Variants in ENTPD3 observed in about 807,000 individuals in gnomAD.
ENTPD3 encodes ectonucleoside triphosphate diphosphohydrolase 3, also known as CD39 antigen-like 3.
Under a neutral mutation model 51.2 loss-of-function variants are expected in ENTPD3, and 60 were observed. The observed-to-expected ratio is 1.17, with a 90% confidence interval of 0.95 to 1.45. The LOEUF (loss-of-function observed/expected upper bound fraction) is 1.45. ENTPD3 is among the 40% of genes most tolerant of loss of function. The pLI, the probability that ENTPD3 is intolerant of heterozygous loss-of-function variation, is 0.00. For synonymous variants in ENTPD3, 221 were observed against 238.4 expected, an observed-to-expected ratio of 0.93 and a Z score of 0.67; for missense variants, 593 against 641.1, an observed-to-expected ratio of 0.93 and a Z score of 0.81.
chr3:40,417,566 A>T (rs1197627346), intron 7 of ENTPD3, among the ~76,000 whole-genome samples: 2 of 152,100 alleles, frequency 1.3e-5, no homozygotes, highest in Non-Finnish European at 2.9e-5. Flanking sequence ...CACTGGGATT[A>T]CAATTTTACA....
chr3:40,426,090 C>A (rs1277332331), intron 10 of ENTPD3, among the ~76,000 whole-genome samples: 1 of 143,104 alleles, frequency 7.0e-6, no homozygotes, highest in African/African-American at 2.5e-5. Flanking sequence ...ACAGAGATAT[C>A]TTTTTCTTTT....
At chr3:40,414,562 A>C in intron 5 of ENTPD3, 119 bp from the exon 6 acceptor site, 3 of 1,133,302 alleles carry the variant, frequency 2.6e-6, no homozygotes, top group Non-Finnish European at 3.8e-6. Flanking sequence ...CATCTGGAAA[A>C]TCATTCATCC....
Position 40,423,301 on chromosome 3 carries a change from G to A in ENTPD3, c.1115G>A (p.Gly372Glu). 2.5e-6 allele frequency: 4 copies of A among 1,613,384 alleles called. No individual in the cohort carries two copies. In the South Asian group the frequency reaches 3.3e-5, roughly 13 times the overall value. ...KIKGPFVAFA[G>E]FYYTASALNL... ...ATTACTTATTTCCAGGCTTTTGCAG[G>A]ATTCTACTACACAGCCAGTGCTTTA... The change falls in exon 9 of 11, where the codon GGA (glycine) becomes GAA (glutamate). Residue 372 changes from glycine to glutamate, a missense_variant. Physicochemically the swap from Gly to Glu is moderately conservative, Grantham distance 98. Transcript: ENST00000301825.
chr3:40,427,553 C>G lies in ENTPD3; in HGVS notation c.*45C>G, dbSNP rs201566498. 102 of 1,479,432 alleles carry G rather than the reference C, an allele frequency of 6.9e-5. 1 individual carries two copies. In the South Asian group the frequency reaches 1.1e-3, roughly 16 times the overall value. 91.6% of individuals were successfully genotyped at this position (1,479,432 alleles called of 1,614,324 possible). A position where few individuals can be genotyped will look rare whatever the true frequency, so the allele number is the denominator to read the frequency against. ...GAGTCCAATGGCTGCTTAGAGTCAG[C>G]CTGGGTGGCACCAGGCAATGCAGGT... On this transcript the variant is annotated 3_prime_UTR_variant, in exon 11 of 11. Transcript: ENST00000301825.
intron 6 of ENTPD3, among the ~76,000 whole-genome samples, chr3:40,415,623 T>A (rs1955727554): frequency 6.6e-6 from 1 of 152,178 alleles, no homozygotes; most frequent in African/African-American, 2.4e-5. Flanking sequence ...ATTATACACC[T>A]AATCTACTTC....
intron 4 of ENTPD3, among the ~76,000 whole-genome samples, chr3:40,401,696 A>G (rs546269391): frequency 6.6e-6 from 1 of 152,374 alleles, no homozygotes; most frequent in African/African-American, 2.4e-5. Flanking sequence ...TTTGAATTTC[A>G]TATAATTCTC....
intron 7 of ENTPD3, among the ~76,000 whole-genome samples, chr3:40,421,299 C>T (rs915500837): frequency 1.3e-5 from 2 of 152,104 alleles, no homozygotes; most frequent in Admixed American, 1.3e-4. Context: ...GCTGGGATTA[C>T]AGATGTGAGC....
chr3:40,400,420 C>G (rs1478559806), intron 3 of ENTPD3, among the ~76,000 whole-genome samples: 1 of 152,120 alleles, frequency 6.6e-6, no homozygotes, highest in Non-Finnish European at 1.5e-5. Context: ...CATTTTCCGT[C>G]TGAGACGAAG....
intron 10 of ENTPD3, among the ~76,000 whole-genome samples, chr3:40,425,192 C>A (rs1211544679): frequency 2.0e-5 from 3 of 151,390 alleles, no homozygotes; most frequent in African/African-American, 7.3e-5. Flanking sequence ...CCGAGGCAGG[C>A]GGATCACCTG....
Position 40,427,669 on chromosome 3 carries a change from T to C in ENTPD3, c.*161T>C, listed in dbSNP as rs1165878517. The stretch of plus-strand genomic sequence containing the variant: ...TACTGATTTCTGCCACAGCACCTCT[T>C]GAGGCATCCCTTGGCTATTCTGTGC... On this transcript the variant is annotated 3_prime_UTR_variant, in exon 11 of 11. Transcript: ENST00000301825. 3 of 623,314 alleles carry C rather than the reference T, an allele frequency of 4.8e-6. No homozygotes were observed. Among genetic ancestry groups the C allele is most frequent in the Non-Finnish European group, 8.6e-6 (3 of 349,586 alleles). The allele number at this position is 623,314 out of a possible 1,614,324, so 38.6% of individuals were successfully genotyped here.
chr3:40,411,971 T>G lies in ENTPD3; in HGVS notation c.437+9T>G. ...GGGATGCGCTTGCTGAGGTAAAGGC[T>G]AAGTGGCACAAAGGAGCCCATTTGA... On this transcript the variant is annotated intron_variant, in intron 5 of 10. Transcript: ENST00000301825. 1 of 1,605,934 alleles carries G rather than the reference T, an allele frequency of 6.2e-7. No homozygotes were observed. Among genetic ancestry groups the G allele is most frequent in the Non-Finnish European group, 8.5e-7 (1 of 1,176,686 alleles).
At chr3:40,393,496 G>T (rs1346434435) in intron 3 of ENTPD3, among the ~76,000 whole-genome samples, 1 of 152,066 alleles carries the variant, frequency 6.6e-6, no homozygotes, top group Non-Finnish European at 1.5e-5. Flanking sequence ...AACTAATATT[G>T]TTTTGGACTC....
chr3:40,407,167 T>C (rs901232298), intron 4 of ENTPD3, among the ~76,000 whole-genome samples: 2 of 152,100 alleles, frequency 1.3e-5, no homozygotes, highest in Admixed American at 1.3e-4. Context: ...GCATATTAAG[T>C]TGGAGATGGC....
In ENTPD3 at chr3:40,411,917, C is replaced by A; in HGVS notation, c.392C>A (p.Ser131Tyr). The change falls in exon 5 of 11, where the codon TCC (serine) becomes TAC (tyrosine). Residue 131 changes from serine to tyrosine, a missense_variant. Ser to Tyr is a moderately radical substitution (Grantham distance 144). Transcript: ENST00000301825. ...KGQVPSHLHG[S>Y]TPIHLGATAG... ...CAGGTTCCATCCCACCTCCACGGATCCACCCCCATTCACCTGGGAGCCACG... is the reference window on the plus strand; with the variant it reads ...CAGGTTCCATCCCACCTCCACGGATACACCCCCATTCACCTGGGAGCCACG... 6.2e-7 allele frequency: 1 copy of A among 1,612,244 alleles called. No homozygotes were observed. The highest frequency in any genetic ancestry group is 1.3e-5 in the African/African-American group (1 of 74,964).
At chr3:40,408,145 TA>T (rs1332053081) in intron 4 of ENTPD3, among the ~76,000 whole-genome samples, 2 of 152,290 alleles carry the variant, frequency 1.3e-5, no homozygotes, top group East Asian at 3.9e-4. Flanking sequence ...ATGAGAATCT[TA>T]AAAAACATCC....
rs551424821 is a variant in ENTPD3, at chr3:40,392,286, T to A, written c.168+136T>A. The stretch of plus-strand genomic sequence containing the variant: ...TGGCTGAAGCCAGGAGAAGTTAGTG[T>A]AAGACGCAAGGGAGAAGGTCTGGAC... On this transcript the variant is annotated intron_variant, in intron 3 of 10. Transcript: ENST00000301825. 7 of 1,058,756 alleles carry A rather than the reference T, an allele frequency of 6.6e-6. No homozygotes were observed. In the East Asian group the frequency reaches 1.3e-4, roughly 19 times the overall value. The allele number at this position is 1,058,756 out of a possible 1,614,324, so 65.6% of individuals were successfully genotyped here.
chr3:40,403,266 G>A (rs1472396426), intron 4 of ENTPD3, among the ~76,000 whole-genome samples: 1 of 152,144 alleles, frequency 6.6e-6, no homozygotes, highest in Non-Finnish European at 1.5e-5. Context: ...TCCAGGTTAG[G>A]CTCTCCAGAA....
At chr3:40,399,932 T>C (rs1955304186) in intron 3 of ENTPD3, among the ~76,000 whole-genome samples, 2 of 152,180 alleles carry the variant, frequency 1.3e-5, no homozygotes, top group Admixed American at 1.3e-4. Flanking sequence ...TTTTTCTCCT[T>C]AATTATGAAT....
At chr3:40,389,640 C>T (rs891775720) in intron 2 of ENTPD3, among the ~76,000 whole-genome samples, 10 of 152,204 alleles carry the variant, frequency 6.6e-5, no homozygotes, top group Non-Finnish European at 2.9e-5. Flanking sequence ...AAGTGACCAA[C>T]TTTGACACCA....
Sources: gnomAD v4.1 joint callset for allele counts (sites outside exome capture counted in the v4.1 genomes callset) on GRCh38, gnomAD v4.1.1 for gene constraint, MANE v1.5 for transcripts, NCBI Gene and HGNC (gene_info 2026-07-23, HGNC 2026-07-21) for gene names.